The following C1RL variants were observed in gnomAD, a reference collection of about 807,000 sequenced individuals.
C1RL encodes the protein complement C1r subcomponent like, also known as complement C1r subcomponent-like protein.
C1RL carries 27 observed loss-of-function variants against 27.9 expected under a neutral mutation model. The observed-to-expected ratio is 0.97, with a 90% CI of 0.71 to 1.33. The LOEUF is 1.33. Ranked by LOEUF, C1RL falls within the 40% of genes most tolerant of loss-of-function variation. C1RL has a pLI of 0.00. For missense variants in C1RL, 563 were observed against 623.9 expected (o/e 0.90, Z 1.04); for synonymous variants, 248 against 252.1 (o/e 0.98, Z 0.15).
Position 7,099,481 on chromosome 12 carries a change from C to T in C1RL, c.691+205G>A, listed in dbSNP as rs750527394. ...CTCATGAACGTCCTTCATGCTTTTC[C>T]TCAGATATATCTTGACCCCTGAAGA... On this transcript the variant is annotated intron_variant, in intron 5 of 5. Transcript: ENST00000266542. 34 of 983,706 alleles carry T rather than the reference C, an allele frequency of 3.5e-5. No individual in the cohort carries two copies. In the African/African-American group the frequency reaches 5.4e-4, roughly 16 times the overall value. 60.9% of individuals were successfully genotyped at this position (983,706 alleles called of 1,614,324 possible).
intron 5 of C1RL, among the ~76,000 whole-genome samples, chr12:7,097,699 G>C (rs530626332): frequency 7.9e-5 from 12 of 152,338 alleles, no homozygotes; most frequent in Non-Finnish European, 1.5e-4. Flanking sequence ...CAGGACAGTG[G>C]ACTGAGGGTA....
In C1RL at chr12:7,101,882, C is replaced by T. The variant is rs745365283; in HGVS notation, c.490+16G>A. Reference sequence around the variant, plus strand: ...AACAGAGGCTCCCTCCCTGCACCCCCAGGAGGGACACTCACCCACGGTTTG... The same window carrying T: ...AACAGAGGCTCCCTCCCTGCACCCCTAGGAGGGACACTCACCCACGGTTTG... On this transcript the variant is annotated intron_variant, in intron 3 of 5. Coordinates refer to ENST00000266542, the MANE Select transcript of C1RL (RefSeq NM_016546.4). The T allele has an allele frequency of 2.5e-6, 4 of 1,611,624 alleles. No homozygotes were observed. The highest frequency in any genetic ancestry group is 3.3e-5 in the Admixed American group (2 of 60,008).
At chr12:7,097,589 G>A (rs12426152) in intron 5 of C1RL, among the ~76,000 whole-genome samples, 57,119 of 152,010 alleles carry the variant, frequency 0.38, 11,029 homozygotes, top group South Asian at 0.54. Context: ...GCCGGGATCA[G>A]GACTCTTATA....
chr12:7,098,103 T>TA (rs1166234512), intron 5 of C1RL, among the ~76,000 whole-genome samples: 1 of 146,992 alleles, frequency 6.8e-6, no homozygotes, highest in Admixed American at 6.8e-5. Flanking sequence ...CCGTCTCTAC[T>TA]AAAAAATACA....
At chr12:7,100,120 T>G in intron 3 of C1RL, 94 bp from the exon 4 acceptor site, 1 of 1,197,684 alleles carries the variant, frequency 8.3e-7, no homozygotes, top group Non-Finnish European at 1.1e-6. Context: ...TTGCACAGTG[T>G]TTTATTTTTT....
intron 5 of C1RL, chr12:7,097,385 C>A (rs1205267760): frequency 4.0e-6 from 2 of 497,752 alleles, no homozygotes; most frequent in Non-Finnish European, 7.0e-6. Flanking sequence ...TGCGCTCAAG[C>A]AATTCTGCCT....
At chr12:7,108,829 G>GCGAGTGAGGGTCTGC in intron 1 of C1RL, 1 of 555,472 alleles carries the variant, frequency 1.8e-6, no homozygotes, top group Non-Finnish European at 3.2e-6. Context: ...CAATGGTGGG[G>GCGAGTGAGGGTCTGC]CGAGTGAGGG....
At chr12:7,103,728 A>T (rs1938688692) in intron 2 of C1RL, among the ~76,000 whole-genome samples, 1 of 152,112 alleles carries the variant, frequency 6.6e-6, no homozygotes, top group South Asian at 2.1e-4. Flanking sequence ...AAAATAAACT[A>T]GGTTATAGTG....
intron 3 of C1RL, 119 bp from the exon 4 acceptor site, chr12:7,100,145 T>A (rs886129675): frequency 1.3e-4 from 140 of 1,056,142 alleles, no homozygotes; most frequent in Middle Eastern, 3.1e-4. Context: ...TTAGTTTTTT[T>A]AAAACATTTG....
intron 2 of C1RL, 86 bp from the exon 3 acceptor site, chr12:7,102,173 A>G: frequency 1.4e-6 from 2 of 1,384,260 alleles, no homozygotes; most frequent in South Asian, 2.6e-5. Context: ...CCTCGGTGTG[A>G]CTCCTGCCCC....
In C1RL at chr12:7,104,301, C is replaced by T. The variant is rs958042151; in HGVS notation, c.301-2214G>A. Among the ~76,000 whole-genome samples, 1 of 152,182 alleles carries T rather than the reference C, an allele frequency of 6.6e-6. No individual in the cohort carries two copies. Among genetic ancestry groups the T allele is most frequent in the African/African-American group, 2.4e-5 (1 of 41,448 alleles). On this transcript the variant is annotated intron_variant, in intron 2 of 5. Transcript: ENST00000266542. The surrounding 1 kb of genome is among the most constrained non-coding windows in gnomAD (Gnocchi z 5.4). Reference sequence around the variant, plus strand: ...ACCCAGGCAACTCCCTCTGGCCCACCCTGGCAGAAGGCATGAGCTTAACAA... The same window carrying T: ...ACCCAGGCAACTCCCTCTGGCCCACTCTGGCAGAAGGCATGAGCTTAACAA...
In C1RL at chr12:7,096,307, A is replaced by AACC; in HGVS notation, c.*83_*84insGGT. On this transcript the variant is annotated 3_prime_UTR_variant, in exon 6 of 6. Coordinates refer to ENST00000266542, the MANE Select transcript of C1RL (RefSeq NM_016546.4). ...CCCCAACCCCCCACCCCCAACCCCT[A>AACC]CCCCAGTGTTCAGTCCTCACTCCAG... is the stretch of plus-strand genomic sequence containing the variant. 1 of 661,578 alleles carries AACC rather than the reference A, an allele frequency of 1.5e-6. No homozygotes were observed. Among genetic ancestry groups the AACC allele is most frequent in the Non-Finnish European group, 1.8e-6 (1 of 569,308 alleles). 41.0% of individuals were successfully genotyped at this position (661,578 alleles called of 1,614,324 possible).
chr12:7,100,027 C>T lies in C1RL; in HGVS notation c.491-1G>A. On this transcript the variant is annotated splice_acceptor_variant, in intron 3 of 5. Transcript: ENST00000266542. LOFTEE classifies it high-confidence loss of function. ...CTGATGGGCTGACTATAGTTCACAGCTATAGGAAAACAGCACCTAGCACAG... is the reference window on the plus strand; with the variant it reads ...CTGATGGGCTGACTATAGTTCACAGTTATAGGAAAACAGCACCTAGCACAG... The T allele has an allele frequency of 3.7e-6, 6 of 1,610,612 alleles. No individual in the cohort carries two copies. Among genetic ancestry groups the T allele is most frequent in the Non-Finnish European group, 5.1e-6 (6 of 1,178,468 alleles).
chr12:7,107,045 C>A (rs1591601225), intron 2 of C1RL, among the ~76,000 whole-genome samples: 1 of 152,020 alleles, frequency 6.6e-6, no homozygotes, highest in Non-Finnish European at 1.5e-5. Context: ...GTTATTTATA[C>A]ATATGAAGTT....
chr12:7,108,677 C>A, intron 1 of C1RL, 198 bp from the exon 2 acceptor site: 1 of 578,156 alleles, frequency 1.7e-6, no homozygotes, highest in Non-Finnish European at 3.1e-6. Flanking sequence ...CTACAGCCTC[C>A]CGCGCAGCCT....
chr12:7,108,188 C>G, intron 2 of C1RL, 63 bp downstream of exon 2: 1 of 1,358,060 alleles, frequency 7.4e-7, no homozygotes, highest in Non-Finnish European at 1.0e-6. Context: ...ACCGCCACTT[C>G]CCACAACCCC....
intron 1 of C1RL, 100 bp downstream of exon 1, chr12:7,109,009 TG>T (rs1565640653): frequency 1.1e-5 from 4 of 352,854 alleles, no homozygotes. Flanking sequence ...GGGATGTGTG[TG>T]TGGGGGGGGT....
rs756570299 is a variant in C1RL at position 7,104,219 on chromosome 12, G to A, written c.301-2132C>T. The stretch of plus-strand genomic sequence containing the variant: ...ATAGGGATGAGGGAAGGGCTGGCAC[G>A]GGGATGGCAGACCAGAAGCCTGTGA... On this transcript the variant is annotated intron_variant, in intron 2 of 5. Coordinates refer to ENST00000266542, the MANE Select transcript of C1RL (RefSeq NM_016546.4). This position sits in a 1 kb window ranked among gnomAD's most constrained non-coding sequence, Gnocchi z 5.4. Among the ~76,000 whole-genome samples, 4 of 152,176 alleles carry A rather than the reference G, an allele frequency of 2.6e-5. No homozygotes were observed. The highest frequency in any genetic ancestry group is 4.4e-5 in the Non-Finnish European group (3 of 68,030).
At chr12:7,109,044 C>T in intron 1 of C1RL, 66 bp downstream of exon 1, 4 of 1,038,402 alleles carry the variant, frequency 3.9e-6, no homozygotes, top group Admixed American at 2.3e-5. Flanking sequence ...GGAGGGTTTG[C>T]GGCCACCCAC....
Sources: gnomAD v4.1 joint callset for allele counts (sites outside exome capture counted in the v4.1 genomes callset) on GRCh38, gnomAD v4.1.1 for gene constraint, Gnocchi (gnomAD v3.1) non-coding constraint, MANE v1.5 for transcripts, NCBI Gene and HGNC (gene_info 2026-07-23, HGNC 2026-07-21) for gene names.